PLEC: variants seen among roughly 807,000 people sequenced by gnomAD.
The protein encoded by PLEC is hemidesmosomal protein 1.
In PLEC, 216 loss-of-function variants were observed where a neutral mutation model predicts 392.8. That is an observed-to-expected ratio of 0.55 (90% CI 0.49 to 0.62). The LOEUF is 0.62. Among genes scored for constraint, PLEC ranks in the 20% least tolerant of loss-of-function variants. PLEC has a pLI of 0.00. For synonymous variants in PLEC, 3,621 were observed against 2,980.6 expected (o/e 1.21, Z -7.00); for missense variants, 6,863 against 6,563.4 (o/e 1.05, Z -1.58).
Position 143,927,708 on chromosome 8 carries a change from A to G in PLEC, c.3458T>C (p.Leu1153Pro). The part of the protein sequence containing the change: ...QPTFDALRDE[L>P]RGAQEVGERL... ...CTCCCCCACCTCCTGTGCCCCCCGC[A>G]GCTCATCCCGCAGGGCGTCGAACGT... is the stretch of plus-strand genomic sequence containing the variant. The change falls in exon 27 of 32, where the codon CTG (leucine) becomes CCG (proline). Residue 1153 changes from leucine (L) to proline (P), a missense_variant. Physicochemically the swap from Leu to Pro is moderately conservative, Grantham distance 98 (BLOSUM62 -3). Coordinates refer to ENST00000345136, the MANE Select transcript of PLEC (RefSeq NM_201384.3). 6.3e-7 allele frequency: 1 copy of G among 1,588,162 alleles called. No homozygotes were observed. The highest frequency in any genetic ancestry group is 8.6e-7 in the Non-Finnish European group (1 of 1,165,946).
chr8:143,916,515 T>C lies in PLEC; in HGVS notation c.13306A>G (p.Thr4436Ala). Residue 4436 changes from threonine to alanine, a missense_variant, in exon 32 of 32, where the codon ACC becomes GCC. By Grantham distance (58) the Thr-to-Ala change is moderately conservative. Coordinates refer to ENST00000345136, the MANE Select transcript of PLEC (RefSeq NM_201384.3). ...RDVGAYSKYLTCPKTKLKISY... is the reference protein window; with the variant it reads ...RDVGAYSKYLACPKTKLKISY... ...ATCTTGAGCTTGGTCTTAGGGCAGG[T>C]GAGGTACTTGGAGTAGGCGCCCACG... 1.2e-6 allele frequency: 2 copies of C among 1,611,558 alleles called. No homozygotes were observed.
Position 143,917,890 on chromosome 8 carries a change from G to A in PLEC, c.11931C>T (p.Ile3977=), listed in dbSNP as rs373262743. 1.9e-5 allele frequency: 30 copies of A among 1,612,922 alleles called. No homozygotes were observed. The highest frequency in any genetic ancestry group is 3.3e-5 in the South Asian group (3 of 91,076). ...LEAQAATGYV[I]DPIKGLKLTV... ...TCAGCTTCAGTCCCTTGATGGGGTC[G>A]ATGACGTAACCGGTGGCCGCCTGCG... The change falls in exon 32 of 32, where the codon ATC becomes ATT. Residue 3977 remains isoleucine, a synonymous_variant. Transcript: ENST00000345136.
chr8:143,933,198 T>C lies in PLEC; in HGVS notation c.1417A>G (p.Arg473Gly). The change falls in exon 13 of 32, where the codon AGG becomes GGG. Residue 473 changes from arginine (R) to glycine (G), a missense_variant and splice_region_variant. Transcript: ENST00000345136. Reference protein sequence around the residue: ...RHPQGEQMYRRVYRLHERLVA... With the variant: ...RHPQGEQMYRGVYRLHERLVA... ...CAGGGAGGGCAGGGCGGGGCCCACC[T>C]GCGGTACATCTGCTCGCCCTGCGGG... 6.2e-7 allele frequency: 1 copy of C among 1,612,490 alleles called. No homozygotes were observed. The highest frequency in any genetic ancestry group is 1.1e-5 in the South Asian group (1 of 91,046).
At chr8:143,946,490 G>T in intron 1 of PLEC, 2 of 897,358 alleles carry the variant, frequency 2.2e-6, no homozygotes, top group Non-Finnish European at 3.1e-6. Context: ...GCCCACTCAT[G>T]CCCTGGTAGC....
At chr8:143,933,378 G>T in intron 12 of PLEC, 27 bp from the exon 13 acceptor site, 1 of 1,605,136 alleles carries the variant, frequency 6.2e-7, no homozygotes, top group South Asian at 1.1e-5. Context: ...ATGACTCGGA[G>T]CACAGCTGAT....
At chr8:143,971,824 G>A (rs1833445888) in intron 1 of PLEC, among the ~76,000 whole-genome samples, 1 of 149,704 alleles carries the variant, frequency 6.7e-6, no homozygotes, top group African/African-American at 2.4e-5. Flanking sequence ...CCACCACCAA[G>A]CCCAGAAGGC....
intron 1 of PLEC, among the ~76,000 whole-genome samples, chr8:143,947,464 T>C (rs562807626): frequency 6.6e-6 from 1 of 152,112 alleles, no homozygotes; most frequent in Non-Finnish European, 1.5e-5. Context: ...ATTTGCAATG[T>C]AAATTAGGGC....
intron 25 of PLEC, 63 bp downstream of exon 25, chr8:143,929,040 C>G (rs1826209473): frequency 6.9e-7 from 1 of 1,442,746 alleles, no homozygotes; most frequent in Non-Finnish European, 9.5e-7. Flanking sequence ...TGCAAGGTCA[C>G]AGCCCTCACC....
Position 143,920,529 on chromosome 8 carries a change from C to T in PLEC, c.9292G>A (p.Ala3098Thr), listed in dbSNP as rs782626973. 6.2e-7 allele frequency: 1 copy of T among 1,611,408 alleles called. No individual in the cohort carries two copies. The highest frequency in any genetic ancestry group is 8.5e-7 in the Non-Finnish European group (1 of 1,179,552). The change falls in exon 32 of 32, where the codon GCC becomes ACC. Residue 3098 changes from alanine to threonine, a missense_variant. Transcript: ENST00000345136. ...CTGTACCCTGTCACAGCCTTCTCGG[C>T]TGATAGCAGCTTCTCATGAAACTCG... ...GPEFHEKLLSAEKAVTGYRDP... is the reference protein window; with the variant it reads ...GPEFHEKLLSTEKAVTGYRDP...
In PLEC at chr8:143,920,431, G is replaced by A; in HGVS notation, c.9390C>T (p.Gly3130=). The A allele has an allele frequency of 6.9e-6, 11 of 1,598,264 alleles. No homozygotes were observed. The highest frequency in any genetic ancestry group is 9.4e-6 in the Non-Finnish European group (11 of 1,174,660). Residue 3130 remains glycine, a synonymous_variant, in exon 32 of 32, where the codon GGC becomes GGT. Coordinates refer to ENST00000345136, the MANE Select transcript of PLEC (RefSeq NM_201384.3). The part of the protein sequence containing the change: ...LKKGLIPREQ[G]LRLLDAQLST... ...ACAGCTGGGCGTCCAACAGGCGCAGGCCCTGCTCCCGGGGAATGAGGCCCT... is the reference window on the plus strand; with the variant it reads ...ACAGCTGGGCGTCCAACAGGCGCAGACCCTGCTCCCGGGGAATGAGGCCCT...
chr8:143,957,962 C>T (rs554245070), upstream of PLEC, among the ~76,000 whole-genome samples: 146 of 152,276 alleles, frequency 9.6e-4, no homozygotes, highest in African/African-American at 3.3e-3. Context: ...CTGGGGCCCC[C>T]GACAATAGCC....
rs144610086 is a variant in PLEC at position 143,927,484 on chromosome 8, G to T, written c.3682C>A (p.Arg1228=). The part of the protein sequence containing the change: ...PLGAWLQDAR[R]RQEQIQAMPL... ...ATGGCCTGGATCTGCTCCTGCCGCC[G>T]CCTGGCGTCCTGCAGCCAGGCGCCC... The change falls in exon 27 of 32, where the codon CGG becomes AGG. Residue 1228 remains arginine, a synonymous_variant. Transcript: ENST00000345136. 12 of 1,596,802 alleles carry T rather than the reference G, an allele frequency of 7.5e-6. No individual in the cohort carries two copies. Among genetic ancestry groups the T allele is most frequent in the Non-Finnish European group, 8.5e-6 (10 of 1,178,408 alleles).
In PLEC at chr8:143,920,902, G is replaced by A; in HGVS notation, c.8919C>T (p.Cys2973=). Residue 2973 remains cysteine (C), a synonymous_variant, in exon 32 of 32, where the codon TGC becomes TGT. Transcript: ENST00000345136. ...VEEQEQKGRL[C]FEGLRSLVPA... is the part of the protein sequence containing the mutation. ...GCACCAGGCTGCGCAGGCCCTCAAA[G>A]CAAAGCCGGCCCTTCTGCTCCTGCT... 1 of 1,612,208 alleles carries A rather than the reference G, an allele frequency of 6.2e-7. No individual in the cohort carries two copies.
At chr8:143,943,842 C>G, upstream of PLEC, 1 of 1,612,348 alleles carries the variant, frequency 6.2e-7, no homozygotes, top group Non-Finnish European at 8.5e-7. Context: ...AGGGTGACAA[C>G]GTGACCCACA....
chr8:143,928,332 G>A (rs1397561272), intron 25 of PLEC, among the ~76,000 whole-genome samples: 1 of 152,280 alleles, frequency 6.6e-6, no homozygotes, highest in Non-Finnish European at 1.5e-5. Context: ...GTAGTTCTCA[G>A]CCCTTGCAGC....
upstream of PLEC, among the ~76,000 whole-genome samples, chr8:143,940,825 A>C (rs1461240377): frequency 6.6e-6 from 1 of 152,142 alleles, no homozygotes; most frequent in Admixed American, 6.5e-5. Flanking sequence ...ACTCCACGCC[A>C]AGGGGCACAG....
At position 143,930,313 on chromosome 8, in the gene PLEC, G is replaced by C. The variant is rs1483917923; in HGVS notation, c.2458-15C>G. On this transcript the variant is annotated splice_polypyrimidine_tract_variant and intron_variant, in intron 20 of 31. Coordinates refer to ENST00000345136, the MANE Select transcript of PLEC (RefSeq NM_201384.3). ...TGCACAGTCACCTGGGACGGGCAGA[G>C]TCGGTGAGGACATGGCCACACCCTG... The C allele has an allele frequency of 6.3e-7, 1 of 1,598,748 alleles. No homozygotes were observed. Among genetic ancestry groups the C allele is most frequent in the Non-Finnish European group, 8.5e-7 (1 of 1,177,282 alleles).
Position 143,935,236 on chromosome 8 carries a change from T to A in PLEC, c.680A>T (p.Glu227Val). The change falls in exon 7 of 32, where the codon GAG becomes GTG. Residue 227 changes from glutamate (E) to valine (V), a missense_variant. By Grantham distance (121) the Glu-to-Val change is moderately radical (BLOSUM62 -2). Coordinates refer to ENST00000345136, the MANE Select transcript of PLEC (RefSeq NM_201384.3). Reference sequence around the variant, plus strand: ...GAGCCGCGTCACTCCCAGGTCCCGCTCCGCCACAGAGAAGGCCTGGTCCAG... The same window carrying A: ...GAGCCGCGTCACTCCCAGGTCCCGCACCGCCACAGAGAAGGCCTGGTCCAG... ...ENLDQAFSVA[E>V]RDLGVTRLLD... 1.9e-6 allele frequency: 3 copies of A among 1,612,268 alleles called. No homozygotes were observed. Among genetic ancestry groups the A allele is most frequent in the Non-Finnish European group, 2.5e-6 (3 of 1,179,926 alleles).
chr8:143,951,853 C>T (rs1832180041), upstream of PLEC, among the ~76,000 whole-genome samples: 1 of 152,122 alleles, frequency 6.6e-6, no homozygotes, highest in Admixed American at 6.5e-5. Context: ...GGCCCAGCCA[C>T]ACCCATCATC....
Sources: allele counts gnomAD v4.1 joint callset (sites outside exome capture counted in the v4.1 genomes callset), GRCh38; gene constraint gnomAD v4.1.1; transcripts MANE v1.5; gene names NCBI Gene and HGNC (gene_info 2026-07-23, HGNC 2026-07-21).